ZNF239: variants seen among roughly 807,000 people sequenced by gnomAD.
The protein encoded by ZNF239 is zinc finger protein 239.
In ZNF239, 16 loss-of-function variants were observed where a neutral mutation model predicts 27.5. That is an observed-to-expected ratio of 0.58 (90% confidence interval 0.39 to 0.88). The LOEUF (loss-of-function observed/expected upper bound fraction) is 0.88. Ranked by LOEUF, ZNF239 falls within the 40% of genes least tolerant of loss-of-function variation. The pLI is 0.00. For missense variants in ZNF239, 527 were observed against 551.9 expected (o/e 0.95, Z 0.45); for synonymous variants, 199 against 192.6 (o/e 1.03, Z -0.27).
At chr10:43,564,376 G>A (rs1837488762) in intron 3 of ZNF239, 1 of 631,830 alleles carries the variant, frequency 1.6e-6, no homozygotes, top group Admixed American at 6.3e-5. Flanking sequence ...AAAAACGATG[G>A]CAACAATCTG....
chr10:43,570,514 C>T (rs753497856), intron 2 of ZNF239: 106 of 984,666 alleles, frequency 1.1e-4, no homozygotes, highest in Admixed American at 8.0e-4. Context: ...GATCAAATCC[C>T]TTCTTCTATC....
At chr10:43,567,064 A>G (rs1364338740) in intron 3 of ZNF239, among the ~76,000 whole-genome samples, 1 of 152,006 alleles carries the variant, frequency 6.6e-6, no homozygotes, top group African/African-American at 2.4e-5. Context: ...ACTGCACTCC[A>G]GACTCCAGCC....
At chr10:43,559,536 A>C (rs1369009425) in intron 3 of ZNF239, among the ~76,000 whole-genome samples, 1 of 152,206 alleles carries the variant, frequency 6.6e-6, no homozygotes, top group African/African-American at 2.4e-5. Flanking sequence ...AGGCAGCAGA[A>C]CTGCCTTGTA....
chr10:43,574,239 G>T (rs1838214415), intron 1 of ZNF239, among the ~76,000 whole-genome samples: 1 of 152,228 alleles, frequency 6.6e-6, no homozygotes, highest in South Asian at 2.1e-4. Flanking sequence ...GAAGCCCCCA[G>T]CCGGCCCAGG....
chr10:43,557,976 T>G lies in ZNF239; in HGVS notation c.104A>C (p.Glu35Ala). 1 of 1,614,130 alleles carries G rather than the reference T, an allele frequency of 6.2e-7. No homozygotes were observed. The highest frequency in any genetic ancestry group is 2.2e-5 in the East Asian group (1 of 44,880). The change falls in exon 4 of 4, where the codon GAA becomes GCA. Residue 35 changes from glutamate to alanine, a missense_variant. By Grantham distance (107) the Glu-to-Ala change is moderately radical. Transcript: ENST00000374446. ...LDISPCQQWG[E>A]ASSPISRNRD... ...GTTTCTGGAAATAGGAGAAGATGCT[T>G]CTCCCCACTGTTGACAAGGGGAAAT...
At chr10:43,567,307 A>G (rs1480670776) in intron 3 of ZNF239, among the ~76,000 whole-genome samples, 2 of 152,024 alleles carry the variant, frequency 1.3e-5, no homozygotes, top group East Asian at 1.9e-4. Flanking sequence ...AGGACATTCA[A>G]TGAAAAATAA....
At chr10:43,572,248 G>A (rs536164640) in intron 2 of ZNF239, among the ~76,000 whole-genome samples, 2 of 152,256 alleles carry the variant, frequency 1.3e-5, no homozygotes, top group African/African-American at 2.4e-5. Context: ...TTAATCATTA[G>A]GGAGCAGGCA....
intron 2 of ZNF239, among the ~76,000 whole-genome samples, chr10:43,571,167 T>G (rs1366982741): frequency 1.3e-5 from 2 of 151,614 alleles, no homozygotes; most frequent in Non-Finnish European, 2.9e-5. Context: ...GTTCAATTGT[T>G]TCCTGTTTCT....
intron 3 of ZNF239, among the ~76,000 whole-genome samples, chr10:43,563,179 G>A (rs1837386639): frequency 6.6e-6 from 1 of 152,126 alleles, no homozygotes; most frequent in East Asian, 1.9e-4. Context: ...GCAGGGTGTG[G>A]TAGTGGGCAC....
rs1339673705 is a variant in ZNF239 at position 43,566,143 on chromosome 10, C to A, written c.-93+1756G>T. 3.3e-5 allele frequency among the ~76,000 whole-genome samples: 5 copies of A among 152,148 alleles called. No individual in the cohort carries two copies. In the South Asian group the frequency reaches 6.2e-4, roughly 19 times the overall value. ...GGCCTGGTTCACTACCTGGAGGTAA[C>A]CACTTTGCCCTGTAGCATTCTCTTT... is the stretch of plus-strand genomic sequence containing the variant. On this transcript the variant is annotated intron_variant, in intron 3 of 3. Transcript: ENST00000374446.
At position 43,557,736 on chromosome 10, in the gene ZNF239, T is replaced by C; in HGVS notation, c.344A>G (p.Asn115Ser). The C allele has an allele frequency of 6.2e-7, 1 of 1,614,124 alleles. No individual in the cohort carries two copies. ...KVIKGESCSE[N>S]LQVKLVSDGQ... ...ATCAGACACCAGTTTAACTTGAAGGTTCTCTGAACAACTTTCCCCCTTTAT... is the reference window on the plus strand; with the variant it reads ...ATCAGACACCAGTTTAACTTGAAGGCTCTCTGAACAACTTTCCCCCTTTAT... Residue 115 changes from asparagine to serine, a missense_variant, in exon 4 of 4, where the codon AAC (asparagine) becomes AGC (serine). Asn to Ser is a conservative substitution (Grantham distance 46, BLOSUM62 1). Coordinates refer to ENST00000374446, the MANE Select transcript of ZNF239 (RefSeq NM_001099282.2).
In ZNF239 at chr10:43,562,688, C is replaced by T. The variant is rs76997763; in HGVS notation, c.-92-4517G>A. ...CTGATGGAGCAGCAGAGTCAGGAAA[C>T]AGGAATGTTTTTACTATGAGCTGTC... On this transcript the variant is annotated intron_variant, in intron 3 of 3. Transcript: ENST00000374446. Among the ~76,000 whole-genome samples, 1,405 of 152,292 alleles carry T rather than the reference C, an allele frequency of 9.2e-3. 23 individuals are homozygous for T. Among genetic ancestry groups the T allele is most frequent in the South Asian group, 0.055 (264 of 4,820 alleles).
At position 43,557,949 on chromosome 10, in the gene ZNF239, C is replaced by T. The variant is rs779840459; in HGVS notation, c.131G>A (p.Arg44Lys). 3.2e-5 allele frequency: 52 copies of T among 1,614,020 alleles called. No homozygotes were observed. The highest frequency in any genetic ancestry group is 4.3e-5 in the Non-Finnish European group (51 of 1,180,034). Residue 44 changes from arginine (R) to lysine (K), a missense_variant, in exon 4 of 4, where the codon AGG (arginine) becomes AAG (lysine). Physicochemically the swap from Arg to Lys is conservative, Grantham distance 26. Coordinates refer to ENST00000374446, the MANE Select transcript of ZNF239 (RefSeq NM_001099282.2). ...GEASSPISRN[R>K]DSVMTLQSGC... ...ACTTTGAAGAGTCATCACACTGTCCCTGTTTCTGGAAATAGGAGAAGATGC... is the reference window on the plus strand; with the variant it reads ...ACTTTGAAGAGTCATCACACTGTCCTTGTTTCTGGAAATAGGAGAAGATGC...
intron 3 of ZNF239, among the ~76,000 whole-genome samples, chr10:43,563,243 G>A (rs1588796560): frequency 2.0e-5 from 3 of 152,124 alleles, no homozygotes; most frequent in African/African-American, 7.2e-5. Context: ...TTGAACCCGG[G>A]AGGTGGAGCT....
Position 43,556,530 on chromosome 10 carries a change from T to A in ZNF239, c.*173A>T, listed in dbSNP as rs1477827527. 9 of 814,440 alleles carry A rather than the reference T, an allele frequency of 1.1e-5. No homozygotes were observed. The highest frequency in any genetic ancestry group is 1.7e-5 in the Non-Finnish European group (9 of 535,112). 50.5% of individuals were successfully genotyped at this position (814,440 alleles called of 1,614,324 possible). ...AGAACAATCCATTCATTGTACAGCA[T>A]AACAAAGTGCTTGATACTTAAATAT... On this transcript the variant is annotated 3_prime_UTR_variant, in exon 4 of 4. Transcript: ENST00000374446.
chr10:43,573,741 GAA>G (rs1838180064), intron 1 of ZNF239, 64 bp from the exon 2 acceptor site: 1 of 796,316 alleles, frequency 1.3e-6, no homozygotes, highest in Non-Finnish European at 1.5e-6. Flanking sequence ...AGACTGCGGG[GAA>G]AAAGTTACTC....
At position 43,558,056 on chromosome 10, in the gene ZNF239, A is replaced by G. The variant is rs757898732; in HGVS notation, c.24T>C (p.Ser8=). The stretch of plus-strand genomic sequence containing the variant: ...CTCGATGATTCACAATACAATCCTG[A>G]CTTCCAGTAATTGTACTGGCCATGC... MASTITG[S]QDCIVNHRGE... is the part of the protein sequence containing the mutation. The change falls in exon 4 of 4, where the codon AGT becomes AGC. Residue 8 remains serine (S), a synonymous_variant. Coordinates refer to ENST00000374446, the MANE Select transcript of ZNF239 (RefSeq NM_001099282.2). The G allele has an allele frequency of 1.9e-6, 3 of 1,613,660 alleles. No homozygotes were observed. The East Asian group carries it at 6.7e-5, about 36-fold the overall frequency.
Position 43,564,749 on chromosome 10 carries a change from C to T in ZNF239, c.-93+3150G>A, listed in dbSNP as rs576658821. Among the ~76,000 whole-genome samples the T allele has an allele frequency of 2.0e-5, 3 of 151,910 alleles. No individual in the cohort carries two copies. In the South Asian group the frequency reaches 6.2e-4, roughly 32 times the overall value. ...TTGCCATGTTGCCCAGGCTGGTCTC[C>T]AACTCCTGGGCTCAAGTGATCCTCC... On this transcript the variant is annotated intron_variant, in intron 3 of 3. Coordinates refer to ENST00000374446, the MANE Select transcript of ZNF239 (RefSeq NM_001099282.2).
intron 2 of ZNF239, among the ~76,000 whole-genome samples, chr10:43,568,910 C>T (rs748689074): frequency 2.0e-5 from 3 of 152,082 alleles, no homozygotes; most frequent in Non-Finnish European, 2.9e-5. Flanking sequence ...ATTAGCCAGG[C>T]GTGGTGATGT....
Sources: allele counts gnomAD v4.1 joint callset (sites outside exome capture counted in the v4.1 genomes callset), GRCh38; gene constraint gnomAD v4.1.1; transcripts MANE v1.5; gene names NCBI Gene and HGNC (gene_info 2026-07-23, HGNC 2026-07-21).